TRIO: variants seen among roughly 807,000 people sequenced by gnomAD.
The protein encoded by TRIO is triple functional domain protein.
TRIO carries 58 observed loss-of-function variants against 351.9 expected under a neutral mutation model. The ratio of observed to expected loss-of-function variants is 0.16; its 90% CI spans 0.13 to 0.21. The LOEUF (loss-of-function observed/expected upper bound fraction) is 0.21, where lower values mean the gene tolerates loss of function less well. Among genes scored for constraint, TRIO ranks in the 10% least tolerant of loss-of-function variants. TRIO has a pLI of 1.00. For synonymous variants in TRIO, 1,758 were observed against 1,595.7 expected (o/e 1.10, Z -2.42); for missense variants, 3,201 against 4,027.8 (o/e 0.79, Z 5.56).
intron 1 of TRIO, among the ~76,000 whole-genome samples, chr5:14,171,183 G>A (rs1429387609): frequency 6.6e-6 from 1 of 152,094 alleles, no homozygotes; most frequent in Non-Finnish European, 1.5e-5. Context: ...AAATCATTTA[G>A]TTTGTCACTT....
intron 34 of TRIO, among the ~76,000 whole-genome samples, chr5:14,454,144 G>T (rs1042934968): frequency 6.6e-6 from 1 of 152,160 alleles, no homozygotes; most frequent in Non-Finnish European, 1.5e-5. Flanking sequence ...GGCCAGGCTG[G>T]TCTCGAACTC....
chr5:14,369,307 CTTTCCAGG>C (rs1744872701), intron 17 of TRIO, 59 bp from the exon 18 acceptor site: 13 of 1,528,650 alleles, frequency 8.5e-6, no homozygotes, highest in Admixed American at 5.9e-5. Flanking sequence ...ACTGAAAGGG[CTTTCCAGG>C]GATACCAGTC....
In TRIO at chr5:14,488,150, T is replaced by G. The variant is rs1756152395; in HGVS notation, c.7522T>G (p.Ser2508Ala). 2 of 1,606,256 alleles carry G rather than the reference T, an allele frequency of 1.2e-6. No individual in the cohort carries two copies. ...GSFTFPGDSD[S>A]LQRQTPRHAA... ...CTTCACCTTCCCGGGGGACAGCGAC[T>G]CCCTCCAGCGGCAGACACCCCGCCA... Residue 2508 changes from serine (S) to alanine (A), a missense_variant, in exon 48 of 57, where the codon TCC becomes GCC. Physicochemically the swap from Ser to Ala is moderately conservative, Grantham distance 99 (BLOSUM62 1). This residue lies in a region of TRIO where 1,089 missense variants were observed against 954.9 expected (regional missense o/e 1.14). Transcript: ENST00000344204.
chr5:14,239,717 C>T (rs993359494), intron 1 of TRIO, among the ~76,000 whole-genome samples: 1 of 152,150 alleles, frequency 6.6e-6, no homozygotes, highest in Non-Finnish European at 1.5e-5. Flanking sequence ...TCTGCGTTCT[C>T]GTTGCATGGA....
intron 7 of TRIO, among the ~76,000 whole-genome samples, chr5:14,303,364 G>A (rs1245029400): frequency 6.9e-6 from 1 of 144,376 alleles, no homozygotes; most frequent in Non-Finnish European, 1.5e-5. Flanking sequence ...TGTCAGTGGA[G>A]GAGATTGAGC....
At chr5:14,296,913 G>A (rs901664820) in intron 6 of TRIO, among the ~76,000 whole-genome samples, 159 bp from the exon 7 acceptor site, 1 of 152,160 alleles carries the variant, frequency 6.6e-6, no homozygotes, top group South Asian at 2.1e-4. Context: ...AATCTAGAGA[G>A]CAAATATGTA....
At chr5:14,379,506 A>G (rs1322961922) in intron 20 of TRIO, among the ~76,000 whole-genome samples, 2 of 152,170 alleles carry the variant, frequency 1.3e-5, no homozygotes, top group Non-Finnish European at 2.9e-5. Flanking sequence ...GTGACGTTCC[A>G]GGTGTAGCCA....
chr5:14,460,513 T>A (rs73061690), intron 34 of TRIO, among the ~76,000 whole-genome samples: 1,798 of 152,344 alleles, frequency 0.012, 34 homozygotes, highest in African/African-American at 0.04. Context: ...CTGCTTTTGT[T>A]CACTGGTAGA....
At chr5:14,453,899 G>A (rs1295323935) in intron 34 of TRIO, among the ~76,000 whole-genome samples, 3 of 152,102 alleles carry the variant, frequency 2.0e-5, no homozygotes, top group Non-Finnish European at 2.9e-5. Context: ...TTGAGGGAAA[G>A]GCAAGAGATG....
chr5:14,240,890 C>T (rs1385457413), intron 1 of TRIO, among the ~76,000 whole-genome samples: 2 of 152,090 alleles, frequency 1.3e-5, no homozygotes, highest in East Asian at 3.8e-4. Flanking sequence ...TTGGCAAAAC[C>T]TGTTTTGGAA....
chr5:14,167,530 T>C (rs1192058516), intron 1 of TRIO, among the ~76,000 whole-genome samples: 2 of 152,202 alleles, frequency 1.3e-5, no homozygotes, highest in African/African-American at 4.8e-5. Context: ...AAAGAAAAAG[T>C]ATTTTAAGAA....
At chr5:14,330,405 G>C (rs1461048366) in intron 9 of TRIO, among the ~76,000 whole-genome samples, 2 of 152,216 alleles carry the variant, frequency 1.3e-5, no homozygotes, top group African/African-American at 4.8e-5. Flanking sequence ...AAATTGCTAA[G>C]TTAAATTGGC....
intron 1 of TRIO, among the ~76,000 whole-genome samples, chr5:14,178,367 T>G (rs1389703201): frequency 6.6e-6 from 1 of 152,250 alleles, no homozygotes; most frequent in African/African-American, 2.4e-5. Context: ...AGACGTAGGC[T>G]GTTAATCTTG....
At chr5:14,368,938 C>A in intron 17 of TRIO, 39 bp downstream of exon 17, 5 of 1,580,104 alleles carry the variant, frequency 3.2e-6, no homozygotes, top group Non-Finnish European at 4.3e-6. Context: ...TCCACTGATA[C>A]TTTATTTTGA....
At chr5:14,172,645 G>A (rs1026340979) in intron 1 of TRIO, among the ~76,000 whole-genome samples, 33 of 152,214 alleles carry the variant, frequency 2.2e-4, no homozygotes, top group African/African-American at 7.7e-4. Context: ...AGTGAAGTGC[G>A]GAATTAGAGG....
chr5:14,372,082 C>G (rs968315162), intron 18 of TRIO, among the ~76,000 whole-genome samples: 14 of 152,082 alleles, frequency 9.2e-5, no homozygotes, highest in African/African-American at 2.9e-4. Context: ...TGAAGAAATA[C>G]GTTCCTCGGA....
At chr5:14,442,430 C>T (rs563743132) in intron 34 of TRIO, among the ~76,000 whole-genome samples, 58 of 152,206 alleles carry the variant, frequency 3.8e-4, no homozygotes, top group Non-Finnish European at 5.9e-4. Context: ...ATGTATTGGG[C>T]ATCTGAAGGG....
At chr5:14,324,758 GA>G (rs1207143328) in intron 9 of TRIO, among the ~76,000 whole-genome samples, 3 of 152,082 alleles carry the variant, frequency 2.0e-5, no homozygotes, top group African/African-American at 7.2e-5. Flanking sequence ...TTGTGATTCA[GA>G]ATTCAGAATT....
At position 14,507,895 on chromosome 5, in the gene TRIO, G is replaced by C; in HGVS notation, c.8767G>C (p.Val2923Leu). The change falls in exon 57 of 57, where the codon GTG (valine) becomes CTG (leucine). Residue 2923 changes from valine (V) to leucine (L), a missense_variant. Around this residue, in one of 19 missense-constraint regions of TRIO, gnomAD observed 233 missense variants for 292.6 expected, o/e 0.80. Transcript: ENST00000344204. ...HLDLKPENIL[V>L]DESLAKPTIK... ...TGATTTCCAGCCTGAGAATATCCTG[G>C]TGGATGAGAGTTTAGCCAAGCCAAC... 6.2e-7 allele frequency: 1 copy of C among 1,613,542 alleles called. No individual in the cohort carries two copies. The highest frequency in any genetic ancestry group is 1.1e-5 in the South Asian group (1 of 91,012).
Sources: gnomAD v4.1 joint callset for allele counts (sites outside exome capture counted in the v4.1 genomes callset) on GRCh38, gnomAD v4.1.1 for gene constraint, gnomAD v4.1.1 regional missense constraint, MANE v1.5 for transcripts, NCBI Gene and HGNC (gene_info 2026-07-23, HGNC 2026-07-21) for gene names.